Variants in RANBP17 observed in about 807,000 individuals in gnomAD.
RANBP17 encodes the protein ran-binding protein 17.
In RANBP17, 158 loss-of-function variants were observed where a neutral mutation model predicts 141.2. That is an observed-to-expected ratio of 1.12 (90% confidence interval 0.98 to 1.28). RANBP17 has a LOEUF of 1.28. RANBP17 is among the 50% of genes most tolerant of loss of function. RANBP17 has a pLI of 0.00. For synonymous variants in RANBP17, 430 were observed against 450.0 expected, an observed-to-expected ratio of 0.96 and a Z score of 0.56; for missense variants, 1,438 against 1,290.7, an observed-to-expected ratio of 1.11 and a Z score of -1.75.
intron 14 of RANBP17, among the ~76,000 whole-genome samples, chr5:171,048,190 G>A (rs1017575438): frequency 2.0e-5 from 3 of 151,990 alleles, no homozygotes; most frequent in East Asian, 1.9e-4. Context: ...AGCTTCCCAC[G>A]TAGCTGGGAC....
In RANBP17 at chr5:170,918,921, G is replaced by A. The variant is rs1482837144; in HGVS notation, c.1101+62G>A. 6.0e-6 allele frequency: 6 copies of A among 1,000,180 alleles called. No individual in the cohort carries two copies. In the South Asian group the frequency reaches 1.5e-4, roughly 24 times the overall value. 62.0% of individuals were successfully genotyped at this position (1,000,180 alleles called of 1,614,324 possible). A position where few individuals can be genotyped will look rare whatever the true frequency, so the allele number is the denominator to read the frequency against. On this transcript the variant is annotated intron_variant, in intron 10 of 27. Coordinates refer to ENST00000523189, the MANE Select transcript of RANBP17 (RefSeq NM_022897.5). ...AGTTTTAAAACAGCTTCTTGGTAAG[G>A]GTTGGTGGGGGTATTTGAAAAATAT...
intron 24 of RANBP17, among the ~76,000 whole-genome samples, chr5:171,263,799 A>G (rs1766496099): frequency 6.6e-6 from 1 of 152,204 alleles, no homozygotes; most frequent in Non-Finnish European, 1.5e-5. Context: ...ATGGTAGCAC[A>G]CATCTATAAT....
chr5:170,913,962 A>C (rs993632682), intron 7 of RANBP17, among the ~76,000 whole-genome samples: 1 of 152,170 alleles, frequency 6.6e-6, no homozygotes, highest in African/African-American at 2.4e-5. Flanking sequence ...AGGAAGTGCT[A>C]CATGAGGAAG....
intron 12 of RANBP17, among the ~76,000 whole-genome samples, chr5:170,947,708 G>C (rs1420206260): frequency 6.6e-6 from 1 of 152,090 alleles, no homozygotes; most frequent in Non-Finnish European, 1.5e-5. Flanking sequence ...GGAATGCTTA[G>C]AGTGTATACT....
At chr5:170,968,035 A>G (rs541741427) in intron 13 of RANBP17, among the ~76,000 whole-genome samples, 29 of 151,888 alleles carry the variant, frequency 1.9e-4, no homozygotes, top group African/African-American at 7.0e-4. Context: ...ATGTCTTAGG[A>G]AAAAAAGGCT....
chr5:171,055,880 C>CAAAAAAAAAAAAAA (rs72488636), intron 14 of RANBP17, among the ~76,000 whole-genome samples: 4 of 25,098 alleles, frequency 1.6e-4, no homozygotes, highest in Admixed American at 9.8e-4. Context: ...GTCCTGTTGC[C>CAAAAAAAAAAAAAA]AAAAAAAAAA....
intron 16 of RANBP17, among the ~76,000 whole-genome samples, chr5:171,181,103 A>G (rs899973955): frequency 7.2e-5 from 11 of 152,172 alleles, no homozygotes; most frequent in Non-Finnish European, 1.3e-4. Context: ...AGTGACTGAC[A>G]CTAGGAATAA....
chr5:171,194,779 C>CT (rs1179982697), intron 18 of RANBP17, among the ~76,000 whole-genome samples: 1 of 152,194 alleles, frequency 6.6e-6, no homozygotes, highest in Non-Finnish European at 1.5e-5. Flanking sequence ...AACTGCCAAA[C>CT]TGTTTTCCAC....
At chr5:170,881,989 ATGTC>A in intron 3 of RANBP17, 93 bp downstream of exon 3, 3 of 694,566 alleles carry the variant, frequency 4.3e-6, no homozygotes, top group Non-Finnish European at 7.0e-6. Context: ...CAAATTTTTT[ATGTC>A]TGTCATTTTT....
At chr5:170,912,394 G>A (rs755048447) in intron 7 of RANBP17, among the ~76,000 whole-genome samples, 13 of 151,892 alleles carry the variant, frequency 8.6e-5, no homozygotes, top group Non-Finnish European at 1.5e-4. Flanking sequence ...GGGTCTTTCT[G>A]TATTATTTTT....
At chr5:171,109,532 A>G (rs1312858487) in intron 14 of RANBP17, among the ~76,000 whole-genome samples, 1 of 152,230 alleles carries the variant, frequency 6.6e-6, no homozygotes, top group South Asian at 2.1e-4. Flanking sequence ...CACAGATACC[A>G]AAATCCATGG....
intron 22 of RANBP17, among the ~76,000 whole-genome samples, chr5:171,224,773 A>G (rs556747761): frequency 6.6e-6 from 1 of 152,332 alleles, no homozygotes; most frequent in East Asian, 1.9e-4. Flanking sequence ...AGATTAGAGT[A>G]AGGCTCTGCT....
At chr5:171,271,836 G>T (rs1050798216) in intron 25 of RANBP17, among the ~76,000 whole-genome samples, 19 of 152,162 alleles carry the variant, frequency 1.2e-4, no homozygotes, top group African/African-American at 4.6e-4. Flanking sequence ...TACAATCTTG[G>T]TTTTAACAGC....
chr5:171,031,476 A>G (rs1185845847), intron 14 of RANBP17, among the ~76,000 whole-genome samples: 12 of 152,182 alleles, frequency 7.9e-5, no homozygotes, highest in Admixed American at 6.5e-4. Context: ...TGTTTGGAAT[A>G]TAGCATAGCC....
In RANBP17 at chr5:171,199,731, A is replaced by G. The variant is rs35724654; in HGVS notation, c.2100A>G (p.Val700=). The change falls in exon 19 of 28, where the codon GTA becomes GTG. Residue 700 remains valine, a synonymous_variant. Coordinates refer to ENST00000523189, the MANE Select transcript of RANBP17 (RefSeq NM_022897.5). ...MLPLTVAFET[V]LQIFNNNFKQ... ...CTCTTACAGTTGCTTTTGAAACAGT[A>G]TTACAAATATTCAACAACAACTTTA... is the stretch of plus-strand genomic sequence containing the variant. 0.15 allele frequency: 233,280 copies of G among 1,606,870 alleles called. 18,887 individuals are homozygous for G. The highest frequency in any genetic ancestry group is 0.17 in the Non-Finnish European group (195,054 of 1,174,442).
chr5:170,979,133 AAAT>A (rs1179798351), intron 14 of RANBP17, among the ~76,000 whole-genome samples: 1 of 152,182 alleles, frequency 6.6e-6, no homozygotes, highest in East Asian at 1.9e-4. Context: ...CCTATGGTAA[AAAT>A]AATATGTGCA....
intron 14 of RANBP17, among the ~76,000 whole-genome samples, chr5:171,047,144 G>A (rs557194737): frequency 3.3e-5 from 5 of 149,710 alleles, no homozygotes; most frequent in African/African-American, 1.2e-4. Flanking sequence ...CACTTCCCGA[G>A]TAGCTGGAAT....
chr5:171,208,377 G>A lies in RANBP17; in HGVS notation c.2231+2765G>A, dbSNP rs527385581. Reference sequence around the variant, plus strand: ...GGTTTCCAGGGCTGGAGAATTGAAGGAAGATCATTGACATACTTCTTTGCC... The same window carrying A: ...GGTTTCCAGGGCTGGAGAATTGAAGAAAGATCATTGACATACTTCTTTGCC... On this transcript the variant is annotated intron_variant, in intron 20 of 27. Coordinates refer to ENST00000523189, the MANE Select transcript of RANBP17 (RefSeq NM_022897.5). Among the ~76,000 whole-genome samples the A allele has an allele frequency of 9.9e-5, 15 of 152,266 alleles. No homozygotes were observed. In the South Asian group the frequency reaches 1.0e-3, roughly 11 times the overall value.
intron 14 of RANBP17, among the ~76,000 whole-genome samples, chr5:171,066,998 A>T (rs755776570): frequency 6.6e-6 from 1 of 152,170 alleles, no homozygotes; most frequent in Non-Finnish European, 1.5e-5. Flanking sequence ...ATCTATTTAC[A>T]TTAAAAATAT....
Sources: gnomAD v4.1 joint callset for allele counts (sites outside exome capture counted in the v4.1 genomes callset) on GRCh38, gnomAD v4.1.1 for gene constraint, MANE v1.5 for transcripts, NCBI Gene and HGNC (gene_info 2026-07-23, HGNC 2026-07-21) for gene names.